Variants in BMPR1A observed in about 807,000 individuals in gnomAD.
BMPR1A encodes bone morphogenetic protein receptor type-1A.
Under a neutral mutation model 66.0 loss-of-function variants are expected in BMPR1A, and 7 were observed. The observed-to-expected ratio is 0.11, with a 90% CI of 0.06 to 0.20. BMPR1A has a LOEUF of 0.20. Among genes scored for constraint, BMPR1A ranks in the 10% least tolerant of loss-of-function variants. The probability of loss-of-function intolerance (pLI) is 1.00; values close to 1 mark genes in which losing one functional copy is unlikely to be tolerated. For missense variants in BMPR1A, 408 were observed against 669.1 expected (o/e 0.61, Z 4.31); for synonymous variants, 200 against 229.7 (o/e 0.87, Z 1.17).
chr10:86,757,938 A>T (rs969328145), intron 1 of BMPR1A, among the ~76,000 whole-genome samples: 6 of 152,192 alleles, frequency 3.9e-5, no homozygotes, highest in African/African-American at 1.4e-4. Flanking sequence ...AGTTACTCTT[A>T]CTTGAAATTA....
chr10:86,797,521 G>A (rs1300808132), intron 1 of BMPR1A, among the ~76,000 whole-genome samples: 2 of 151,846 alleles, frequency 1.3e-5, no homozygotes, highest in Non-Finnish European at 2.9e-5. Context: ...ATGAACTACT[G>A]CGCCCAGCCA....
intron 2 of BMPR1A, among the ~76,000 whole-genome samples, chr10:86,864,864 A>T (rs1410909201): frequency 6.6e-6 from 1 of 151,872 alleles, no homozygotes; most frequent in African/African-American, 2.4e-5. Flanking sequence ...ATCACCCCTT[A>T]CCACAAGATC....
At chr10:86,883,244 T>G (rs1176548050) in intron 3 of BMPR1A, among the ~76,000 whole-genome samples, 2 of 151,392 alleles carry the variant, frequency 1.3e-5, no homozygotes, top group Admixed American at 1.3e-4. Flanking sequence ...ATCACAGCAT[T>G]TTGGGAGGCT....
intron 9 of BMPR1A, among the ~76,000 whole-genome samples, chr10:86,918,785 A>G (rs1564723945): frequency 6.6e-6 from 1 of 151,906 alleles, no homozygotes; most frequent in Admixed American, 6.6e-5. Flanking sequence ...ACCATGCCCA[A>G]CTAATTTTTG....
chr10:86,905,429 A>G (rs1443141062), intron 7 of BMPR1A, among the ~76,000 whole-genome samples: 1 of 152,156 alleles, frequency 6.6e-6, no homozygotes, highest in Non-Finnish European at 1.5e-5. Context: ...ACTCATGCAT[A>G]TTTGCCAAAA....
chr10:86,874,792 T>A (rs1842899639), intron 2 of BMPR1A, among the ~76,000 whole-genome samples: 1 of 144,470 alleles, frequency 6.9e-6, no homozygotes, highest in Non-Finnish European at 1.5e-5. Flanking sequence ...ATCTGCAATC[T>A]TGGCTCACTG....
At chr10:86,805,682 C>T (rs1427769237) in intron 1 of BMPR1A, among the ~76,000 whole-genome samples, 3 of 151,980 alleles carry the variant, frequency 2.0e-5, no homozygotes, top group African/African-American at 2.4e-5. Flanking sequence ...AGGATGGTCT[C>T]GATCTTCTGA....
At chr10:86,767,728 T>TC (rs1841190413) in intron 1 of BMPR1A, among the ~76,000 whole-genome samples, 1 of 151,246 alleles carries the variant, frequency 6.6e-6, no homozygotes, top group Non-Finnish European at 1.5e-5. Context: ...ATAGCTTTTT[T>TC]TTCCTCCTGA....
At chr10:86,810,389 A>G (rs1413001443) in intron 1 of BMPR1A, among the ~76,000 whole-genome samples, 1 of 152,182 alleles carries the variant, frequency 6.6e-6, no homozygotes, top group African/African-American at 2.4e-5. Context: ...TGCTATGAGC[A>G]TATTTGTACA....
At chr10:86,784,633 G>A (rs1012496384) in intron 1 of BMPR1A, among the ~76,000 whole-genome samples, 1 of 152,050 alleles carries the variant, frequency 6.6e-6, no homozygotes, top group African/African-American at 2.4e-5. Context: ...ATCTGGTCCT[G>A]GGCTTTTTTT....
intron 2 of BMPR1A, among the ~76,000 whole-genome samples, chr10:86,868,598 C>A (rs568981615): frequency 1.3e-5 from 2 of 152,260 alleles, no homozygotes; most frequent in South Asian, 4.1e-4. Flanking sequence ...GGGGAGGGAC[C>A]CCTGGAAAGG....
chr10:86,856,311 C>T, intron 2 of BMPR1A: 1 of 475,174 alleles, frequency 2.1e-6, no homozygotes, highest in Non-Finnish European at 4.2e-6. Flanking sequence ...TGGTGGGAGC[C>T]CTGGCCCTCT....
Position 86,873,242 on chromosome 10 carries a change from C to T in BMPR1A, c.-152-2625C>T, listed in dbSNP as rs150007697. 1.2e-3 allele frequency among the ~76,000 whole-genome samples: 181 copies of T among 152,128 alleles called. 1 individual carries two copies. The highest frequency in any genetic ancestry group is 3.7e-3 in the African/African-American group (155 of 41,490). ...GTGAGTTCCTTGCAGCAGGAACAAC[C>T]ATACTCATATTTGTATTTCTGGTAC... is the stretch of plus-strand genomic sequence containing the variant. On this transcript the variant is annotated intron_variant, in intron 2 of 12. Coordinates refer to ENST00000372037, the MANE Select transcript of BMPR1A (RefSeq NM_004329.3).
intron 1 of BMPR1A, among the ~76,000 whole-genome samples, chr10:86,825,224 C>T (rs1278245092): frequency 6.6e-6 from 1 of 151,966 alleles, no homozygotes; most frequent in Non-Finnish European, 1.5e-5. Flanking sequence ...CCACCTCAGC[C>T]TCTGAAAGTG....
intron 3 of BMPR1A, among the ~76,000 whole-genome samples, chr10:86,880,059 C>T: frequency 6.6e-6 from 1 of 152,170 alleles, no homozygotes; most frequent in Admixed American, 6.5e-5. Context: ...GCTTTAGCGG[C>T]CTGCTTTCTG....
chr10:86,799,878 T>C (rs1341383498), intron 1 of BMPR1A, among the ~76,000 whole-genome samples: 2 of 152,174 alleles, frequency 1.3e-5, no homozygotes, highest in Non-Finnish European at 2.9e-5. Context: ...AATGCAAATA[T>C]AGTAAATTAC....
At chr10:86,771,170 T>C (rs6586036) in intron 1 of BMPR1A, among the ~76,000 whole-genome samples, 28,265 of 152,212 alleles carry the variant, frequency 0.19, 3,850 homozygotes, top group African/African-American at 0.38. Context: ...TCAAATATCT[T>C]AATTCCTTTT....
At chr10:86,867,159 T>A (rs1156919684) in intron 2 of BMPR1A, among the ~76,000 whole-genome samples, 1 of 152,198 alleles carries the variant, frequency 6.6e-6, no homozygotes, top group Non-Finnish European at 1.5e-5. Context: ...AGGTTGAGCA[T>A]CCCTAATCCA....
chr10:86,811,174 G>A (rs1273774787), intron 1 of BMPR1A, among the ~76,000 whole-genome samples: 1 of 152,102 alleles, frequency 6.6e-6, no homozygotes, highest in East Asian at 1.9e-4. Context: ...GAGTAGCTGG[G>A]ATTACAGGTA....
Sources: gnomAD v4.1 joint callset for allele counts (sites outside exome capture counted in the v4.1 genomes callset) on GRCh38, gnomAD v4.1.1 for gene constraint, MANE v1.5 for transcripts, NCBI Gene and HGNC (gene_info 2026-07-23, HGNC 2026-07-21) for gene names.